Variants in NQO2 observed in about 807,000 individuals in gnomAD.
NQO2 encodes N-ribosyldihydronicotinamide:quinone dehydrogenase 2.
In NQO2, 18 loss-of-function variants were observed where a neutral mutation model predicts 22.0. The observed-to-expected ratio is 0.82, with a 90% CI of 0.56 to 1.21. The LOEUF (loss-of-function observed/expected upper bound fraction) is 1.21. NQO2 is among the 50% of genes most tolerant of loss of function. NQO2 has a pLI of 0.00. For missense variants in NQO2, 267 were observed against 286.9 expected, an observed-to-expected ratio of 0.93 and a Z score of 0.50; for synonymous variants, 106 against 110.8, an observed-to-expected ratio of 0.96 and a Z score of 0.28.
At chr6:3,015,123 C>T (rs1330499071) in intron 4 of NQO2, 6 of 1,296,150 alleles carry the variant, frequency 4.6e-6, no homozygotes, top group Middle Eastern at 2.1e-4. Flanking sequence ...TGCTCAGCAC[C>T]GAACTCAGTC....
chr6:3,002,312 T>C, intron 1 of NQO2: 1 of 870,418 alleles, frequency 1.1e-6, no homozygotes, highest in Non-Finnish European at 1.4e-6. Context: ...TCACTCTATT[T>C]TCTTTTTCTT....
chr6:3,009,794 G>A, intron 2 of NQO2: 1 of 292,436 alleles, frequency 3.4e-6, no homozygotes, highest in African/African-American at 2.3e-5. Context: ...TTGAACCTGG[G>A]AGGCAGAGGT....
chr6:3,007,910 G>A (rs928244481), intron 2 of NQO2, among the ~76,000 whole-genome samples: 6 of 152,224 alleles, frequency 3.9e-5, no homozygotes, highest in African/African-American at 1.4e-4. Context: ...GGGTTAGCAT[G>A]GAAGACTAAT....
chr6:3,005,549 G>A, intron 1 of NQO2: 5 of 591,098 alleles, frequency 8.5e-6, no homozygotes, highest in Non-Finnish European at 1.1e-5. Context: ...TTGGAGAAAA[G>A]CCTACACAAG....
In NQO2 at chr6:3,019,633, C is replaced by A; in HGVS notation, c.674C>A (p.Ala225Asp). The part of the protein sequence containing the change: ...IWKEEPIPCT[A>D]HWHFGQ ...AAGGAAGAGCCCATCCCCTGCACAG[C>A]CCACTGGCACTTCGGGCAATAACTC... The change falls in exon 7 of 7, where the codon GCC (alanine) becomes GAC (aspartate). Residue 225 changes from alanine (A) to aspartate (D), a missense_variant. By Grantham distance (126) the Ala-to-Asp change is moderately radical. Transcript: ENST00000380455. 1 of 1,610,602 alleles carries A rather than the reference C, an allele frequency of 6.2e-7. No individual in the cohort carries two copies. The highest frequency in any genetic ancestry group is 8.5e-7 in the Non-Finnish European group (1 of 1,178,000).
intron 5 of NQO2, among the ~76,000 whole-genome samples, chr6:3,016,322 T>C (rs1183195214): frequency 3.3e-5 from 5 of 151,228 alleles, no homozygotes; most frequent in Non-Finnish European, 7.4e-5. Flanking sequence ...TCCCAGCTAC[T>C]TGGGAGGCCG....
At chr6:3,002,518 C>G (rs1756768830) in intron 1 of NQO2, among the ~76,000 whole-genome samples, 1 of 152,144 alleles carries the variant, frequency 6.6e-6, no homozygotes, top group South Asian at 2.1e-4. Context: ...CCACATTGAC[C>G]AGGCTGGTTT....
At chr6:3,001,675 A>G (rs1756730307) in intron 1 of NQO2, among the ~76,000 whole-genome samples, 1 of 152,242 alleles carries the variant, frequency 6.6e-6, no homozygotes, top group Non-Finnish European at 1.5e-5. Flanking sequence ...GGGACTGTCC[A>G]CATGGAAAGA....
intron 2 of NQO2, among the ~76,000 whole-genome samples, chr6:3,009,207 T>C (rs1435409909): frequency 6.6e-6 from 1 of 152,166 alleles, no homozygotes; most frequent in African/African-American, 2.4e-5. Context: ...AGGGACGCAT[T>C]CTCTTTCTCA....
rs377617214 is a variant in NQO2 at position 3,006,200 on chromosome 6, G to A, written c.-85-268G>A. 6 of 383,610 alleles carry A rather than the reference G, an allele frequency of 1.6e-5. No homozygotes were observed. The highest frequency in any genetic ancestry group is 6.6e-5 in the African/African-American group (3 of 45,762). 23.8% of individuals were successfully genotyped at this position (383,610 alleles called of 1,614,324 possible). A position where few individuals can be genotyped will look rare whatever the true frequency, so the allele number is the denominator to read the frequency against. ...GGAGGCTCAACTCCTGCTTCCTACC[G>A]TGGCTCATTTCCTGGGTCCTTTGCT... On this transcript the variant is annotated intron_variant, in intron 1 of 6. Coordinates refer to ENST00000380455, the MANE Select transcript of NQO2 (RefSeq NM_000904.6). This position sits in a 1 kb window ranked among gnomAD's most constrained non-coding sequence, Gnocchi z 4.0.
intron 2 of NQO2, among the ~76,000 whole-genome samples, chr6:3,009,335 C>T (rs1008583683): frequency 6.6e-6 from 1 of 152,218 alleles, no homozygotes; most frequent in African/African-American, 2.4e-5. Context: ...AAGGTTATCT[C>T]TCTTGTTCCC....
intron 4 of NQO2, 132 bp from the exon 5 acceptor site, chr6:3,015,398 G>T: frequency 6.8e-7 from 1 of 1,473,106 alleles, no homozygotes; most frequent in Non-Finnish European, 9.0e-7. Flanking sequence ...TGACCATAAG[G>T]GTTACCCTCA....
Position 3,015,653 on chromosome 6 carries a change from C to G in NQO2, c.417+10C>G. 3.1e-6 allele frequency: 5 copies of G among 1,613,542 alleles called. No homozygotes were observed. The highest frequency in any genetic ancestry group is 2.2e-5 in the East Asian group (1 of 44,882). ...TTCCGGTTTGCTCCAGGTATGTGCT[C>G]TTGGATAAGGATCACTATGGATAGT... is the stretch of plus-strand genomic sequence containing the variant. On this transcript the variant is annotated intron_variant, in intron 5 of 6. Coordinates refer to ENST00000380455, the MANE Select transcript of NQO2 (RefSeq NM_000904.6).
intron 4 of NQO2, among the ~76,000 whole-genome samples, chr6:3,013,303 C>T (rs145381337): frequency 1.3e-5 from 2 of 152,228 alleles, no homozygotes; most frequent in East Asian, 1.9e-4. Flanking sequence ...AAGATATCCA[C>T]GTAGCCAATA....
chr6:3,008,634 G>A (rs914430449), intron 2 of NQO2, among the ~76,000 whole-genome samples: 1 of 152,040 alleles, frequency 6.6e-6, no homozygotes, highest in African/African-American at 2.4e-5. Context: ...ATCTATCGGG[G>A]GAAATTCAGC....
chr6:3,007,634 ACT>A (rs1309466129), intron 2 of NQO2, among the ~76,000 whole-genome samples: 2 of 152,202 alleles, frequency 1.3e-5, no homozygotes, highest in Non-Finnish European at 2.9e-5. Flanking sequence ...AAGCCTGGAG[ACT>A]CTTTCCAATG....
Position 3,019,577 on chromosome 6 carries a change from T to C in NQO2, c.618T>C (p.Ala206=). ...ASEEERKGMV[A]AWSQRLQTIW... ...AAGAAGAAAGAAAGGGGATGGTGGC[T>C]GCGTGGTCCCAGAGGCTGCAGACCA... Residue 206 remains alanine, a synonymous_variant, in exon 7 of 7, where the codon GCT becomes GCC. Coordinates refer to ENST00000380455, the MANE Select transcript of NQO2 (RefSeq NM_000904.6). The C allele has an allele frequency of 6.2e-7, 1 of 1,614,202 alleles. No homozygotes were observed. The highest frequency in any genetic ancestry group is 8.5e-7 in the Non-Finnish European group (1 of 1,180,036).
intron 3 of NQO2, among the ~76,000 whole-genome samples, chr6:3,011,033 A>G (rs1757118219): frequency 6.6e-6 from 1 of 152,230 alleles, no homozygotes; most frequent in East Asian, 1.9e-4. Flanking sequence ...AGTCAGACAT[A>G]GAAGACTGAA....
intron 4 of NQO2, among the ~76,000 whole-genome samples, chr6:3,014,540 C>T (rs921518212): frequency 3.3e-5 from 5 of 152,206 alleles, no homozygotes; most frequent in African/African-American, 7.2e-5. Context: ...TCCCATAACC[C>T]GGTGGCTGGG....
Sources: gnomAD v4.1 joint callset for allele counts (sites outside exome capture counted in the v4.1 genomes callset) on GRCh38, gnomAD v4.1.1 for gene constraint, Gnocchi (gnomAD v3.1) non-coding constraint, MANE v1.5 for transcripts, NCBI Gene and HGNC (gene_info 2026-07-23, HGNC 2026-07-21) for gene names.